VPS54: variants seen among roughly 807,000 people sequenced by gnomAD.
The protein encoded by VPS54 is VPS54 subunit of GARP complex.
A neutral mutation model predicts 121.5 loss-of-function variants in VPS54; 45 were observed. The observed-to-expected ratio is 0.37, with a 90% CI of 0.29 to 0.47. The LOEUF (loss-of-function observed/expected upper bound fraction) is 0.47, where lower values mean the gene tolerates loss of function less well. Among genes scored for constraint, VPS54 ranks in the 20% least tolerant of loss-of-function variants. The pLI is 0.99. For missense variants in VPS54, 1,090 were observed against 1,131.4 expected (o/e 0.96, Z 0.52); for synonymous variants, 371 against 385.8 (o/e 0.96, Z 0.45).
rs188270467 is a variant in VPS54, at chr2:63,909,671, G to A, written c.2625+2674C>T. Reference sequence around the variant, plus strand: ...CTGACCTCACGATCCACCCACCTCGGCCTCCCAAAGTGCTGGGATTATAGA... The same window carrying A: ...CTGACCTCACGATCCACCCACCTCGACCTCCCAAAGTGCTGGGATTATAGA... On this transcript the variant is annotated intron_variant, in intron 20 of 22. Coordinates refer to ENST00000272322, the MANE Select transcript of VPS54 (RefSeq NM_016516.3). Among the ~76,000 whole-genome samples, 252 of 147,628 alleles carry A rather than the reference G, an allele frequency of 1.7e-3. 1 individual carries two copies. Among genetic ancestry groups the A allele is most frequent in the Middle Eastern group, 3.6e-3 (1 of 276 alleles).
chr2:63,893,582 T>C lies in VPS54; in HGVS notation c.2829-47A>G, dbSNP rs753336713. 2.0e-6 allele frequency: 3 copies of C among 1,536,960 alleles called. No homozygotes were observed. The South Asian group carries it at 3.5e-5, about 18-fold the overall frequency. On this transcript the variant is annotated intron_variant, in intron 22 of 22. Coordinates refer to ENST00000272322, the MANE Select transcript of VPS54 (RefSeq NM_016516.3). ...ATTTTTTAAATCTCAAACTTTCTAT[T>C]CAGATAATTAAAGTAACAGTGCTCA...
chr2:63,944,406 CT>C (rs577135606), intron 10 of VPS54, among the ~76,000 whole-genome samples, 193 bp downstream of exon 10: 4 of 152,152 alleles, frequency 2.6e-5, no homozygotes, highest in African/African-American at 9.7e-5. Context: ...AAGGTCACAG[CT>C]TTTTTTCCAA....
chr2:63,908,556 A>T (rs1018408077), intron 20 of VPS54, among the ~76,000 whole-genome samples: 2 of 152,194 alleles, frequency 1.3e-5, no homozygotes, highest in African/African-American at 4.8e-5. Context: ...TTATACCTCA[A>T]TAAACCTGAT....
At chr2:63,934,599 G>A (rs1290452046) in intron 11 of VPS54, among the ~76,000 whole-genome samples, 1 of 151,922 alleles carries the variant, frequency 6.6e-6, no homozygotes, top group Non-Finnish European at 1.5e-5. Flanking sequence ...GGCTCCAGTG[G>A]TCACTTCCTC....
chr2:63,991,633 G>A (rs1048327176), intron 1 of VPS54, among the ~76,000 whole-genome samples: 5 of 152,220 alleles, frequency 3.3e-5, no homozygotes, highest in South Asian at 4.1e-4. Context: ...GTTTGCTCAC[G>A]TCGTCGCAAG....
chr2:63,939,158 G>C (rs1674600574), intron 11 of VPS54, among the ~76,000 whole-genome samples: 2 of 152,082 alleles, frequency 1.3e-5, no homozygotes, highest in South Asian at 4.1e-4. Context: ...TGGATCACAA[G>C]GTCAGGAGAT....
At chr2:63,980,056 T>C (rs1312164147) in intron 3 of VPS54, among the ~76,000 whole-genome samples, 1 of 152,108 alleles carries the variant, frequency 6.6e-6, no homozygotes. Context: ...ATTGAAAGAG[T>C]ATTGAAATCT....
chr2:63,968,862 TCA>T, intron 5 of VPS54, 93 bp downstream of exon 5: 1 of 797,696 alleles, frequency 1.3e-6, no homozygotes, highest in Middle Eastern at 2.5e-4. Context: ...AGCCAAAGGG[TCA>T]AAAAAAAAAA....
intron 22 of VPS54, among the ~76,000 whole-genome samples, chr2:63,895,583 T>G (rs998504701): frequency 1.3e-5 from 2 of 152,250 alleles, no homozygotes; most frequent in African/African-American, 4.8e-5. Flanking sequence ...CGCATCACTG[T>G]GAAGACACTA....
chr2:63,916,187 G>A (rs1247767984), intron 16 of VPS54, among the ~76,000 whole-genome samples: 2 of 152,136 alleles, frequency 1.3e-5, no homozygotes, highest in Non-Finnish European at 2.9e-5. Flanking sequence ...ATTTTACAAT[G>A]TAGTTGTAAA....
At chr2:63,918,707 C>G (rs977119434) in intron 15 of VPS54, among the ~76,000 whole-genome samples, 1 of 152,012 alleles carries the variant, frequency 6.6e-6, no homozygotes, top group Non-Finnish European at 1.5e-5. Flanking sequence ...GAAGTAGTAG[C>G]CTTTCTCTTA....
chr2:63,936,460 T>C (rs1674456964), intron 11 of VPS54, among the ~76,000 whole-genome samples: 1 of 152,168 alleles, frequency 6.6e-6, no homozygotes, highest in Admixed American at 6.5e-5. Context: ...CAAATATAAT[T>C]TTCCAATCTT....
At chr2:63,986,810 T>C (rs1396433345) in intron 1 of VPS54, among the ~76,000 whole-genome samples, 1 of 152,254 alleles carries the variant, frequency 6.6e-6, no homozygotes, top group Non-Finnish European at 1.5e-5. Flanking sequence ...TAGCTCATTG[T>C]ACTTCTGATT....
intron 12 of VPS54, among the ~76,000 whole-genome samples, chr2:63,923,309 A>T (rs1673735624): frequency 6.6e-6 from 1 of 151,908 alleles, no homozygotes; most frequent in South Asian, 2.1e-4. Flanking sequence ...GAGTGAGGAA[A>T]AAAAAAAAGA....
intron 20 of VPS54, among the ~76,000 whole-genome samples, chr2:63,906,432 C>A (rs1030075251): frequency 1.3e-5 from 2 of 152,000 alleles, no homozygotes; most frequent in Non-Finnish European, 2.9e-5. Context: ...ACAATAGCAT[C>A]AAAAATGAAG....
chr2:63,953,258 A>G (rs550506215), intron 7 of VPS54, among the ~76,000 whole-genome samples: 28 of 151,380 alleles, frequency 1.8e-4, no homozygotes, highest in African/African-American at 6.8e-4. Context: ...CAGCCTCCCA[A>G]GTAGCTAGGA....
At chr2:63,957,778 GA>G (rs1239807434) in intron 7 of VPS54, among the ~76,000 whole-genome samples, 1 of 152,066 alleles carries the variant, frequency 6.6e-6, no homozygotes, top group Non-Finnish European at 1.5e-5. Flanking sequence ...TACAAATCAT[GA>G]AAAAGTTGAG....
chr2:63,977,287 T>C (rs1441257932), intron 3 of VPS54, among the ~76,000 whole-genome samples: 1 of 152,248 alleles, frequency 6.6e-6, no homozygotes, highest in Non-Finnish European at 1.5e-5. Flanking sequence ...TAATTTGGAT[T>C]AAATTTGCTC....
chr2:63,953,871 T>G (rs575777734), intron 7 of VPS54, among the ~76,000 whole-genome samples: 352 of 152,344 alleles, frequency 2.3e-3, no homozygotes, highest in African/African-American at 8.0e-3. Context: ...GGCTGAAAAC[T>G]GTGATTACTA....
Sources: gnomAD v4.1 joint callset for allele counts (sites outside exome capture counted in the v4.1 genomes callset) on GRCh38, gnomAD v4.1.1 for gene constraint, MANE v1.5 for transcripts, NCBI Gene and HGNC (gene_info 2026-07-23, HGNC 2026-07-21) for gene names.